Variants in TMEM108 observed in about 807,000 individuals in gnomAD.
The protein encoded by TMEM108 is cancer/testis antigen 124.
Under a neutral mutation model 35.1 loss-of-function variants are expected in TMEM108, and 12 were observed. That is an observed-to-expected ratio of 0.34 (90% CI 0.22 to 0.55). The LOEUF (loss-of-function observed/expected upper bound fraction) is 0.55, where lower values mean the gene tolerates loss of function less well. TMEM108 is among the 20% of genes least tolerant of loss of function. The probability of loss-of-function intolerance (pLI) is 0.89; values close to 1 mark genes in which losing one functional copy is unlikely to be tolerated. For missense variants in TMEM108, 680 were observed against 753.3 expected (o/e 0.90, Z 1.14); for synonymous variants, 287 against 308.6 (o/e 0.93, Z 0.73).
At chr3:133,228,675 G>A (rs1220670479) in intron 2 of TMEM108, among the ~76,000 whole-genome samples, 1 of 152,076 alleles carries the variant, frequency 6.6e-6, no homozygotes, top group Non-Finnish European at 1.5e-5. Flanking sequence ...AGGCTAAAGA[G>A]ATACACTCTA....
chr3:133,141,789 G>A lies in TMEM108; in HGVS notation c.-46-87477G>A, dbSNP rs184595542. On this transcript the variant is annotated intron_variant, in intron 2 of 5. Transcript: ENST00000321871. Reference sequence around the variant, plus strand: ...CATTATTGCTATTAATAAAAAGAAAGGACCTTGGGTTAGTGGACATGACCC... The same window carrying A: ...CATTATTGCTATTAATAAAAAGAAAAGACCTTGGGTTAGTGGACATGACCC... Among the ~76,000 whole-genome samples the A allele has an allele frequency of 1.8e-4, 28 of 152,202 alleles. No individual in the cohort carries two copies. In the East Asian group the frequency reaches 4.4e-3, roughly 24 times the overall value.
At chr3:133,327,010 C>T (rs1318010412) in intron 3 of TMEM108, among the ~76,000 whole-genome samples, 1 of 152,152 alleles carries the variant, frequency 6.6e-6, no homozygotes, top group Admixed American at 6.5e-5. Context: ...CCTCAGAAGC[C>T]TTTCAGGTAC....
At chr3:133,394,545 C>T (rs1227033664) in intron 5 of TMEM108, among the ~76,000 whole-genome samples, 2 of 152,294 alleles carry the variant, frequency 1.3e-5, no homozygotes, top group African/African-American at 4.8e-5. Context: ...GCAAAACATA[C>T]CCACATGGTT....
intron 2 of TMEM108, among the ~76,000 whole-genome samples, chr3:133,143,648 G>A (rs903432873): frequency 6.6e-6 from 1 of 152,142 alleles, no homozygotes; most frequent in Non-Finnish European, 1.5e-5. Flanking sequence ...ACCCAAGAAG[G>A]CAGAAACAGA....
At chr3:133,240,770 A>G (rs1330961946) in intron 3 of TMEM108, among the ~76,000 whole-genome samples, 3 of 152,184 alleles carry the variant, frequency 2.0e-5, no homozygotes, top group Admixed American at 6.5e-5. Context: ...TATATTGTCT[A>G]CCTTAGGGAT....
At chr3:133,258,434 A>T (rs1382873099) in intron 3 of TMEM108, among the ~76,000 whole-genome samples, 4 of 152,230 alleles carry the variant, frequency 2.6e-5, no homozygotes, top group Non-Finnish European at 4.4e-5. Context: ...GCCCAGGCTG[A>T]AAGGAGCCAG....
intron 3 of TMEM108, among the ~76,000 whole-genome samples, chr3:133,300,814 GT>G (rs1167348480): frequency 7.2e-5 from 11 of 151,926 alleles, no homozygotes. Flanking sequence ...ATGAACTCTG[GT>G]TTGGTGGATT....
chr3:133,247,173 T>C (rs949018356), intron 3 of TMEM108: 1 of 152,208 alleles, frequency 6.6e-6, no homozygotes. Flanking sequence ...CTGTCAAGAA[T>C]GGGATCCTTA....
intron 3 of TMEM108, among the ~76,000 whole-genome samples, chr3:133,304,196 G>A (rs1462158593): frequency 6.6e-6 from 1 of 152,122 alleles, no homozygotes; most frequent in East Asian, 1.9e-4. Context: ...TTTCCCTCAT[G>A]TGTATAATAC....
chr3:133,302,106 A>G (rs16840202), intron 3 of TMEM108, among the ~76,000 whole-genome samples: 45,907 of 152,170 alleles, frequency 0.3, 7,464 homozygotes, highest in African/African-American at 0.39. Context: ...TCTTGCCACT[A>G]TCATTGTCTA....
chr3:133,195,945 C>T (rs77866823), intron 2 of TMEM108, among the ~76,000 whole-genome samples: 4,279 of 152,260 alleles, frequency 0.028, 181 homozygotes, highest in African/African-American at 0.094. Context: ...TTGCAGGCCA[C>T]GTTAGCTCTG....
intron 3 of TMEM108, among the ~76,000 whole-genome samples, chr3:133,370,871 A>AGT (rs71624013): frequency 0.055 from 6,939 of 125,428 alleles, 261 homozygotes; most frequent in African/African-American, 0.081. Flanking sequence ...CCCAGCCCAT[A>AGT]GTGTGTGTGT....
chr3:133,302,842 AC>A (rs1364220226), intron 3 of TMEM108, among the ~76,000 whole-genome samples: 2 of 152,110 alleles, frequency 1.3e-5, no homozygotes, highest in East Asian at 1.9e-4. Flanking sequence ...TCTTCGGGCC[AC>A]CCCACACGTG....
intron 2 of TMEM108, among the ~76,000 whole-genome samples, chr3:133,196,804 C>T (rs995437334): frequency 2.0e-5 from 3 of 152,118 alleles, no homozygotes; most frequent in African/African-American, 4.8e-5. Flanking sequence ...TGTAGGATGG[C>T]AAGTTTATCA....
chr3:133,086,076 T>C (rs990524845), intron 2 of TMEM108, among the ~76,000 whole-genome samples: 2 of 152,210 alleles, frequency 1.3e-5, no homozygotes, highest in Non-Finnish European at 2.9e-5. Context: ...GGAGATATCA[T>C]ATGGAAAGAA....
intron 3 of TMEM108, among the ~76,000 whole-genome samples, chr3:133,280,372 G>A (rs1946896181): frequency 6.6e-6 from 1 of 152,144 alleles, no homozygotes; most frequent in Admixed American, 6.5e-5. Flanking sequence ...TCTATATCCT[G>A]TGCATTTCTA....
At chr3:133,223,627 T>A (rs577740382) in intron 2 of TMEM108, among the ~76,000 whole-genome samples, 1 of 152,330 alleles carries the variant, frequency 6.6e-6, no homozygotes, top group South Asian at 2.1e-4. Context: ...GGAATCTAAC[T>A]GTGGCTTGCC....
At chr3:133,205,797 A>T (rs1169367393) in intron 2 of TMEM108, among the ~76,000 whole-genome samples, 1 of 151,850 alleles carries the variant, frequency 6.6e-6, no homozygotes, top group Non-Finnish European at 1.5e-5. Flanking sequence ...CTTCTCAAGG[A>T]GTATCTTTGT....
chr3:133,144,628 G>C (rs1274570109), intron 2 of TMEM108, among the ~76,000 whole-genome samples: 4 of 152,138 alleles, frequency 2.6e-5, no homozygotes, highest in Non-Finnish European at 5.9e-5. Context: ...ATCCTCTCCA[G>C]CATCTGTTGT....
Sources: gnomAD v4.1 joint callset for allele counts (sites outside exome capture counted in the v4.1 genomes callset) on GRCh38, gnomAD v4.1.1 for gene constraint, MANE v1.5 for transcripts, NCBI Gene and HGNC (gene_info 2026-07-23, HGNC 2026-07-21) for gene names.